UTP11: variants seen among roughly 807,000 people sequenced by gnomAD.
The protein encoded by UTP11 is probable U3 small nucleolar RNA-associated protein 11.
Under a neutral mutation model 39.0 loss-of-function variants are expected in UTP11, and 29 were observed. The ratio of observed to expected loss-of-function variants is 0.74; its 90% CI spans 0.55 to 1.01. The LOEUF (loss-of-function observed/expected upper bound fraction) is 1.01, where lower values mean the gene tolerates loss of function less well. Among genes scored for constraint, UTP11 ranks in the 50% least tolerant of loss-of-function variants. The pLI, the probability that UTP11 is intolerant of heterozygous loss-of-function variation, is 0.00. For missense variants in UTP11, 281 were observed against 306.0 expected (o/e 0.92, Z 0.61); for synonymous variants, 111 against 105.0 (o/e 1.06, Z -0.35).
Position 38,012,915 on chromosome 1 carries a change from C to T in UTP11, c.63+50C>T, listed in dbSNP as rs775790092. ...TGCTGGCCTTTGTCGCCATGTGTTA[C>T]CCTTGCCCCAACCCTGTCGCCACCG... On this transcript the variant is annotated intron_variant, in intron 1 of 7. Coordinates refer to ENST00000373014, the MANE Select transcript of UTP11 (RefSeq NM_016037.4). 4 of 1,611,646 alleles carry T rather than the reference C, an allele frequency of 2.5e-6. No homozygotes were observed. The African/African-American group carries it at 4.0e-5, about 16-fold the overall frequency.
intron 7 of UTP11, 53 bp from the exon 8 acceptor site, chr1:38,023,492 T>A: frequency 6.5e-7 from 1 of 1,550,010 alleles, no homozygotes; most frequent in African/African-American, 1.4e-5. Flanking sequence ...AACCTTTCGA[T>A]TTTACAAAAC....
chr1:38,020,195 G>A (rs1472454067), intron 6 of UTP11, among the ~76,000 whole-genome samples: 1 of 152,090 alleles, frequency 6.6e-6, no homozygotes, highest in Non-Finnish European at 1.5e-5. Context: ...TCCACCTTCT[G>A]GGCTTAAGCG....
chr1:38,017,599 G>T, intron 2 of UTP11, 69 bp from the exon 3 acceptor site: 2 of 1,249,276 alleles, frequency 1.6e-6, no homozygotes, highest in Non-Finnish European at 2.2e-6. Context: ...GCTTATTGTG[G>T]GTTTTTGGTT....
Position 38,022,756 on chromosome 1 carries a change from G to A in UTP11, c.625G>A (p.Glu209Lys). ...YNCLTQRIER[E>K]KKLFVIAQKI... ...CTGCCTGACACAGCGGATTGAACGA[G>A]AGAAGAAATTGTTCGTTATTGCTCA... Residue 209 changes from glutamate (E) to lysine (K), a missense_variant, in exon 7 of 8, where the codon GAG (glutamate) becomes AAG (lysine). Transcript: ENST00000373014. 6.2e-7 allele frequency: 1 copy of A among 1,613,974 alleles called. No homozygotes were observed. The highest frequency in any genetic ancestry group is 1.7e-4 in the Middle Eastern group (1 of 6,060).
At chr1:38,016,508 G>A (rs1646707935) in intron 2 of UTP11, 88 bp downstream of exon 2, 1 of 1,385,124 alleles carries the variant, frequency 7.2e-7, no homozygotes, top group East Asian at 2.3e-5. Flanking sequence ...GTCCAACAGG[G>A]GATAATTTCC....
At position 38,012,740 on chromosome 1, in the gene UTP11, C is replaced by G. The variant is rs1222647677; in HGVS notation, c.-63C>G. 2.2e-5 allele frequency: 36 copies of G among 1,607,642 alleles called. No homozygotes were observed. In the Middle Eastern group the frequency reaches 4.9e-4, roughly 22 times the overall value. ...CCTATTTCCGGTAGGAATCAGTGGA[C>G]TTGGCGGCAGAGGCAGTGCGGATCC... On this transcript the variant is annotated 5_prime_UTR_variant, in exon 1 of 8. Transcript: ENST00000373014.
intron 1 of UTP11, among the ~76,000 whole-genome samples, chr1:38,014,268 A>G (rs1319921487): frequency 1.3e-5 from 2 of 152,224 alleles, no homozygotes; most frequent in Non-Finnish European, 2.9e-5. Context: ...GCCATGGCTG[A>G]GTAGGAACAG....
chr1:38,022,950 C>T (rs1302386166), intron 7 of UTP11, 141 bp downstream of exon 7: 1 of 635,196 alleles, frequency 1.6e-6, no homozygotes. Context: ...GTGGTTTGAG[C>T]CAGTGTCTGT....
chr1:38,021,312 A>T (rs1484480675), intron 6 of UTP11, among the ~76,000 whole-genome samples: 3 of 152,178 alleles, frequency 2.0e-5, no homozygotes, highest in Non-Finnish European at 2.9e-5. Context: ...TCCCATGTAG[A>T]ATAGTTCACC....
intron 3 of UTP11, 64 bp downstream of exon 3, chr1:38,017,834 G>T (rs2148737578): frequency 7.3e-7 from 1 of 1,363,296 alleles, no homozygotes; most frequent in South Asian, 1.3e-5. Flanking sequence ...GGACAGGGAG[G>T]AGATGGAGAG....
Position 38,017,837 on chromosome 1 carries a change from A to G in UTP11, c.228+67A>G, listed in dbSNP as rs1646715145. 2.9e-6 allele frequency: 4 copies of G among 1,357,058 alleles called. No homozygotes were observed. The South Asian group carries it at 5.1e-5, about 17-fold the overall frequency. 84.1% of individuals were successfully genotyped at this position (1,357,058 alleles called of 1,614,324 possible). A position where few individuals can be genotyped will look rare whatever the true frequency, so the allele number is the denominator to read the frequency against. ...ATTGGAAAATAAGGACAGGGAGGAG[A>G]TGGAGAGGAAGAATCGTTGGCCTTA... On this transcript the variant is annotated intron_variant, in intron 3 of 7. Coordinates refer to ENST00000373014, the MANE Select transcript of UTP11 (RefSeq NM_016037.4).
intron 1 of UTP11, among the ~76,000 whole-genome samples, chr1:38,013,227 T>TA (rs1212967551): frequency 6.6e-6 from 1 of 152,144 alleles, no homozygotes; most frequent in Non-Finnish European, 1.5e-5. Context: ...ATCCCACGTC[T>TA]AATGGGCAGC....
intron 3 of UTP11, 95 bp from the exon 4 acceptor site, chr1:38,018,369 C>A: frequency 1.2e-6 from 1 of 860,570 alleles, no homozygotes; most frequent in Non-Finnish European, 1.8e-6. Flanking sequence ...CCGCACTTGG[C>A]CTATGGTTGT....
In UTP11 at chr1:38,023,665, A is replaced by G. The variant is rs912972003; in HGVS notation, c.*37A>G. 2 of 1,571,332 alleles carry G rather than the reference A, an allele frequency of 1.3e-6. No homozygotes were observed. Among genetic ancestry groups the G allele is most frequent in the Non-Finnish European group, 1.7e-6 (2 of 1,158,174 alleles). On this transcript the variant is annotated 3_prime_UTR_variant, in exon 8 of 8. Transcript: ENST00000373014. The stretch of plus-strand genomic sequence containing the variant: ...TAAGCCTTGTCATTCTGTATCAAAA[A>G]TCTGTTGTCGTTTTCTAGTAACTTC...
chr1:38,014,231 T>TA (rs1426278828), intron 1 of UTP11, among the ~76,000 whole-genome samples: 8 of 152,206 alleles, frequency 5.3e-5, no homozygotes, highest in Non-Finnish European at 8.8e-5. Flanking sequence ...ACAGAGGGCT[T>TA]TCAGAGCTGG....
In UTP11 at chr1:38,016,341, C is replaced by T. The variant is rs754512749; in HGVS notation, c.64-18C>T. ...GCGGAGGAAACTAAGCACTGTTGTT[C>T]TTTCTTTTGTCTTCTAGCCTGGCTT... On this transcript the variant is annotated intron_variant, in intron 1 of 7. Coordinates refer to ENST00000373014, the MANE Select transcript of UTP11 (RefSeq NM_016037.4). 52 of 1,613,856 alleles carry T rather than the reference C, an allele frequency of 3.2e-5. No homozygotes were observed. Among genetic ancestry groups the T allele is most frequent in the Middle Eastern group, 1.6e-4 (1 of 6,084 alleles).
intron 1 of UTP11, among the ~76,000 whole-genome samples, chr1:38,015,866 A>G (rs1646704626): frequency 6.6e-6 from 1 of 152,210 alleles, no homozygotes; most frequent in Non-Finnish European, 1.5e-5. Context: ...TACTATTTTC[A>G]TGTTACAGTC....
At position 38,012,755 on chromosome 1, in the gene UTP11, A is replaced by G. The variant is rs1018709830; in HGVS notation, c.-48A>G. ...AATCAGTGGACTTGGCGGCAGAGGC[A>G]GTGCGGATCCGGCGTTCTCCACTGA... On this transcript the variant is annotated 5_prime_UTR_variant, in exon 1 of 8. Transcript: ENST00000373014. 4 of 1,612,602 alleles carry G rather than the reference A, an allele frequency of 2.5e-6. No individual in the cohort carries two copies. The highest frequency in any genetic ancestry group is 2.2e-5 in the East Asian group (1 of 44,884).
intron 1 of UTP11, among the ~76,000 whole-genome samples, chr1:38,014,773 C>G (rs1646698724): frequency 6.6e-6 from 1 of 152,014 alleles, no homozygotes; most frequent in Non-Finnish European, 1.5e-5. Context: ...GTAGCTGGGA[C>G]CACAGGCGTG....
Sources: gnomAD v4.1 joint callset for allele counts (sites outside exome capture counted in the v4.1 genomes callset) on GRCh38, gnomAD v4.1.1 for gene constraint, MANE v1.5 for transcripts, NCBI Gene and HGNC (gene_info 2026-07-23, HGNC 2026-07-21) for gene names.